The following CCDC91 variants were observed in gnomAD, a reference collection of about 807,000 sequenced individuals.
The protein encoded by CCDC91 is coiled-coil domain containing 91, also known as coiled-coil domain-containing protein 91.
A neutral mutation model predicts 63.2 loss-of-function variants in CCDC91; 48 were observed. The observed-to-expected ratio is 0.76, with a 90% confidence interval of 0.60 to 0.97. The LOEUF (loss-of-function observed/expected upper bound fraction) is 0.97, where lower values mean the gene tolerates loss of function less well. CCDC91 is among the 50% of genes least tolerant of loss of function. CCDC91 has a pLI of 0.00. For missense variants in CCDC91, 500 were observed against 494.6 expected (o/e 1.01, Z -0.10); for synonymous variants, 167 against 165.8 (o/e 1.01, Z -0.06).
intron 3 of CCDC91, among the ~76,000 whole-genome samples, chr12:28,268,995 C>G (rs577193537): frequency 2.0e-5 from 3 of 152,186 alleles, no homozygotes; most frequent in African/African-American, 7.2e-5. Context: ...AGTGGCCAGA[C>G]AGGGTTGAGG....
At chr12:28,276,703 T>G (rs541829573) in intron 3 of CCDC91, among the ~76,000 whole-genome samples, 1 of 152,054 alleles carries the variant, frequency 6.6e-6, no homozygotes, top group South Asian at 2.1e-4. Flanking sequence ...GATTTTTTTA[T>G]GTTTGAGAGT....
chr12:28,298,653 CT>C (rs1937681628), intron 3 of CCDC91, among the ~76,000 whole-genome samples: 1 of 149,938 alleles, frequency 6.7e-6, no homozygotes, highest in Non-Finnish European at 1.5e-5. Flanking sequence ...AATTTTTCTT[CT>C]ATCCTATCCC....
intron 1 of CCDC91, among the ~76,000 whole-genome samples, chr12:28,241,153 C>T (rs1231334126): frequency 6.6e-6 from 1 of 152,120 alleles, no homozygotes; most frequent in Non-Finnish European, 1.5e-5. Context: ...TGATGTTTAA[C>T]ATCTTTTTAT....
At position 28,362,515 on chromosome 12, in the gene CCDC91, G is replaced by A; in HGVS notation, c.654G>A (p.Lys218=). The A allele has an allele frequency of 6.3e-7, 1 of 1,575,706 alleles. No homozygotes were observed. Among genetic ancestry groups the A allele is most frequent in the Non-Finnish European group, 8.6e-7 (1 of 1,159,760 alleles). Residue 218 remains lysine, a splice_region_variant and synonymous_variant, in exon 7 of 13, where the codon AAG becomes AAA. Coordinates refer to ENST00000536442, the MANE Select transcript of CCDC91 (RefSeq NM_018318.5). The part of the protein sequence containing the change: ...EALSIIVDEY[K]ALLQSSVKQQ... ...TCAGCATTATTGTGGATGAATATAA[G>A]GTAGAGGTTTGAGAGTGTTTACTTT...
chr12:28,368,865 CACACTTTTAA>C (rs1435638144), intron 7 of CCDC91, among the ~76,000 whole-genome samples: 1 of 151,944 alleles, frequency 6.6e-6, no homozygotes, highest in Non-Finnish European at 1.5e-5. Flanking sequence ...ATCAGAAGTG[CACACTTTTAA>C]ACCGTCAGAT....
intron 6 of CCDC91, among the ~76,000 whole-genome samples, chr12:28,321,963 G>A (rs1940549481): frequency 6.6e-6 from 1 of 151,472 alleles, no homozygotes; most frequent in Admixed American, 6.6e-5. Flanking sequence ...TATCACTATA[G>A]TGATATACAT....
chr12:28,378,291 T>G (rs1291117018), intron 7 of CCDC91, among the ~76,000 whole-genome samples: 3 of 152,230 alleles, frequency 2.0e-5, no homozygotes, highest in Non-Finnish European at 4.4e-5. Flanking sequence ...ATTTTAGCAA[T>G]GTAAAATATG....
intron 12 of CCDC91, among the ~76,000 whole-genome samples, chr12:28,500,631 G>A (rs537796885): frequency 3.0e-4 from 45 of 151,756 alleles, no homozygotes; most frequent in South Asian, 2.5e-3. Context: ...AATAGATACC[G>A]TTACCAAGTT....
intron 7 of CCDC91, among the ~76,000 whole-genome samples, chr12:28,377,583 T>C (rs925451702): frequency 2.6e-5 from 4 of 151,866 alleles, no homozygotes; most frequent in Non-Finnish European, 4.4e-5. Context: ...CATGTGAAAA[T>C]TAGTTACTTA....
intron 6 of CCDC91, among the ~76,000 whole-genome samples, chr12:28,311,703 C>G (rs911732752): frequency 6.6e-6 from 1 of 151,662 alleles, no homozygotes; most frequent in Non-Finnish European, 1.5e-5. Flanking sequence ...TAGGGCCATG[C>G]GTGTTTTTTT....
At chr12:28,360,393 A>G (rs1943799173) in intron 6 of CCDC91, among the ~76,000 whole-genome samples, 1 of 152,146 alleles carries the variant, frequency 6.6e-6, no homozygotes, top group Non-Finnish European at 1.5e-5. Flanking sequence ...CCTTCAAGTG[A>G]CAGTGAGTTA....
chr12:28,537,917 A>G (rs1347692614), intron 12 of CCDC91, among the ~76,000 whole-genome samples: 1 of 152,158 alleles, frequency 6.6e-6, no homozygotes, highest in East Asian at 1.9e-4. Flanking sequence ...AATGGCCTGC[A>G]TGTGTGTCCA....
chr12:28,267,905 T>TTATA (rs1555170620), intron 3 of CCDC91, among the ~76,000 whole-genome samples: 1 of 55,732 alleles, frequency 1.8e-5, no homozygotes, highest in Non-Finnish European at 4.1e-5. Context: ...TATATAATTA[T>TTATA]ATTATATATA....
rs1257439705 is a variant in CCDC91 at position 28,273,110 on chromosome 12, A to G, written c.109+13668A>G. Among the ~76,000 whole-genome samples, 17 of 148,994 alleles carry G rather than the reference A, an allele frequency of 1.1e-4. 2 individuals are homozygous for G. In the South Asian group the frequency reaches 3.3e-3, roughly 29 times the overall value. On this transcript the variant is annotated intron_variant, in intron 3 of 12. Coordinates refer to ENST00000536442, the MANE Select transcript of CCDC91 (RefSeq NM_018318.5). ...CGGTGTTTGGTTTCTTGTCCTTCTG[A>G]TAGTTTGCTGAGAATGATGGTTTCC...
intron 12 of CCDC91, among the ~76,000 whole-genome samples, chr12:28,503,593 C>T (rs1209007458): frequency 6.6e-6 from 1 of 152,080 alleles, no homozygotes; most frequent in African/African-American, 2.4e-5. Flanking sequence ...GGGTATATAC[C>T]CAAAGGACTA....
chr12:28,505,398 A>G (rs943902259), intron 12 of CCDC91: 1 of 151,854 alleles, frequency 6.6e-6, no homozygotes, highest in Non-Finnish European at 1.5e-5. Context: ...AGTTTCGTCT[A>G]CGGCCATACC....
intron 8 of CCDC91, among the ~76,000 whole-genome samples, chr12:28,418,668 G>T (rs1947824331): frequency 6.6e-6 from 1 of 152,090 alleles, no homozygotes; most frequent in African/African-American, 2.4e-5. Context: ...AAGTTTTTAA[G>T]ATGTGATATT....
chr12:28,246,665 G>T (rs746027238), intron 1 of CCDC91, among the ~76,000 whole-genome samples: 1 of 152,086 alleles, frequency 6.6e-6, no homozygotes, highest in Non-Finnish European at 1.5e-5. Context: ...TATAATGAAA[G>T]GATTGGAGAG....
intron 2 of CCDC91, 58 bp from the exon 3 acceptor site, chr12:28,259,306 C>A (rs1394529800): frequency 2.3e-6 from 3 of 1,276,880 alleles, no homozygotes; most frequent in African/African-American, 1.5e-5. Context: ...TGCTTGATCA[C>A]TTAAATAGCA....
Sources: gnomAD v4.1 joint callset for allele counts (sites outside exome capture counted in the v4.1 genomes callset) on GRCh38, gnomAD v4.1.1 for gene constraint, MANE v1.5 for transcripts, NCBI Gene and HGNC (gene_info 2026-07-23, HGNC 2026-07-21) for gene names.